Variants in CPAP observed in about 807,000 individuals in gnomAD.
The protein encoded by CPAP is centrosomal P4.1-associated protein.
the CPAP span, among the ~76,000 whole-genome samples, chr13:24,911,352 TA>T: frequency 6.6e-6 from 1 of 152,200 alleles, no homozygotes; most frequent in Non-Finnish European, 1.5e-5. Flanking sequence ...CGCTTTCCGT[TA>T]ACTGATGGGT....
the CPAP span, among the ~76,000 whole-genome samples, chr13:24,909,087 G>GTA: frequency 6.6e-6 from 1 of 152,080 alleles, no homozygotes; most frequent in Admixed American, 6.5e-5. Flanking sequence ...TAGGTGGTGG[G>GTA]TATATCAGTA....
At chr13:24,918,440 T>C in the CPAP span, among the ~76,000 whole-genome samples, 1 of 152,224 alleles carries the variant, frequency 6.6e-6, no homozygotes, top group Non-Finnish European at 1.5e-5. Context: ...CAACTCCCCA[T>C]GCAACCGAAA....
At chr13:24,907,901 G>T in the CPAP span, 2 of 757,800 alleles carry the variant, frequency 2.6e-6, no homozygotes, top group Non-Finnish European at 4.6e-6. Flanking sequence ...AACCTTAAAA[G>T]CATAGTCAAG....
the CPAP span, chr13:24,905,452 T>C: frequency 6.2e-6 from 10 of 1,614,200 alleles, no homozygotes; most frequent in East Asian, 2.2e-5. Context: ...TCAGCTCCGA[T>C]GTAGGAGGAC....
chr13:24,906,054 A>C, the CPAP span: 1 of 1,613,994 alleles, frequency 6.2e-7, no homozygotes. Context: ...TCAGCTGAGG[A>C]CAATGAATGA....
chr13:24,883,175 C>T, the CPAP span: 19 of 1,612,558 alleles, frequency 1.2e-5, no homozygotes, highest in East Asian at 2.2e-5. Context: ...ACATGAGGAT[C>T]GTCACAGCTC....
chr13:24,898,226 C>T, the CPAP span, among the ~76,000 whole-genome samples: 1 of 152,198 alleles, frequency 6.6e-6, no homozygotes, highest in South Asian at 2.1e-4. Flanking sequence ...GTGTCTTTCT[C>T]AGAGAAACAT....
At chr13:24,906,932 G>A in the CPAP span, 3 of 1,613,980 alleles carry the variant, frequency 1.9e-6, no homozygotes, top group Non-Finnish European at 2.5e-6. Flanking sequence ...TTTTGGTTTT[G>A]CTTTGATTGG....
At chr13:24,932,936 A>G in the CPAP span, 12 of 1,066,218 alleles carry the variant, frequency 1.1e-5, no homozygotes, top group Middle Eastern at 6.1e-4. Context: ...GTTTGTATGT[A>G]TAACAATTCT....
chr13:24,931,014 AT>A, the CPAP span, among the ~76,000 whole-genome samples: 3 of 152,270 alleles, frequency 2.0e-5, no homozygotes, highest in South Asian at 6.2e-4. Flanking sequence ...TTCTGATGGT[AT>A]CTCATTGCAG....
chr13:24,929,876 C>T, the CPAP span, among the ~76,000 whole-genome samples: 5 of 144,982 alleles, frequency 3.4e-5, no homozygotes, highest in Non-Finnish European at 6.0e-5. Flanking sequence ...TTAACCTGCT[C>T]AAATCTGTTG....
At chr13:24,883,429 G>A in the CPAP span, 3 of 1,352,872 alleles carry the variant, frequency 2.2e-6, no homozygotes, top group Non-Finnish European at 3.1e-6. Flanking sequence ...ATAAACAACA[G>A]AAAAACTACT....
At chr13:24,883,521 T>A in the CPAP span, 1 of 628,474 alleles carries the variant, frequency 1.6e-6, no homozygotes, top group East Asian at 2.7e-5. Context: ...TTCTACAGTG[T>A]TTCTGCTTCA....
the CPAP span, among the ~76,000 whole-genome samples, chr13:24,922,250 C>T: frequency 2.0e-5 from 3 of 152,180 alleles, no homozygotes; most frequent in African/African-American, 4.8e-5. Context: ...AGAGTGGATA[C>T]AAACAGCAAA....
chr13:24,930,221 C>A, the CPAP span, among the ~76,000 whole-genome samples: 1 of 152,050 alleles, frequency 6.6e-6, no homozygotes, highest in African/African-American at 2.4e-5. Flanking sequence ...TACTTTTTAA[C>A]TATACAATTT....
At chr13:24,929,202 C>T in the CPAP span, among the ~76,000 whole-genome samples, 1 of 152,100 alleles carries the variant, frequency 6.6e-6, no homozygotes, top group African/African-American at 2.4e-5. Context: ...AAGCTGGGAC[C>T]ACAGGCATGT....
the CPAP span, chr13:24,884,157 G>T: frequency 4.3e-6 from 7 of 1,613,986 alleles, no homozygotes; most frequent in Non-Finnish European, 5.9e-6. Flanking sequence ...GAGCAAGTTT[G>T]TACCTATTTG....
the CPAP span, among the ~76,000 whole-genome samples, chr13:24,892,484 T>G: frequency 6.6e-6 from 1 of 152,152 alleles, no homozygotes; most frequent in African/African-American, 2.4e-5. Flanking sequence ...CAGGACACTT[T>G]TCATCTTACA....
the CPAP span, among the ~76,000 whole-genome samples, chr13:24,900,254 T>C: frequency 1.4e-4 from 22 of 152,288 alleles, no homozygotes; most frequent in African/African-American, 5.1e-4. Context: ...GGCAAGAATG[T>C]GCCTGAGGTG....
Sources: gnomAD v4.1 joint callset for allele counts (sites outside exome capture counted in the v4.1 genomes callset) on GRCh38, gnomAD v4.1.1 for gene constraint, MANE v1.5 for transcripts, NCBI Gene and HGNC (gene_info 2026-07-23, HGNC 2026-07-21) for gene names.